Variants in ROBO1 observed in about 807,000 individuals in gnomAD.
The protein encoded by ROBO1 is roundabout homolog 1.
Under a neutral mutation model 195.9 loss-of-function variants are expected in ROBO1, and 149 were observed. The observed-to-expected ratio is 0.76, with a 90% CI of 0.67 to 0.87. The LOEUF (loss-of-function observed/expected upper bound fraction) is 0.87. Among genes scored for constraint, ROBO1 ranks in the 40% least tolerant of loss-of-function variants. The pLI is 0.00. For missense variants in ROBO1, 1,933 were observed against 2,068.3 expected, an observed-to-expected ratio of 0.93 and a Z score of 1.27; for synonymous variants, 816 against 733.2, an observed-to-expected ratio of 1.11 and a Z score of -1.82.
intron 2 of ROBO1, among the ~76,000 whole-genome samples, chr3:79,346,499 T>C (rs1009489874): frequency 5.3e-5 from 8 of 151,826 alleles, no homozygotes; most frequent in Admixed American, 1.3e-4. Flanking sequence ...ATTAACTCTT[T>C]AAGAAAAAAC....
At chr3:78,955,821 T>A (rs1213406958) in intron 3 of ROBO1, among the ~76,000 whole-genome samples, 2 of 152,166 alleles carry the variant, frequency 1.3e-5, no homozygotes, top group Admixed American at 1.3e-4. Context: ...TTTAAAGGAT[T>A]ACTGAGAAAT....
chr3:79,340,017 G>A (rs955421447), intron 2 of ROBO1, among the ~76,000 whole-genome samples: 4 of 152,080 alleles, frequency 2.6e-5, no homozygotes, highest in Non-Finnish European at 5.9e-5. Context: ...CGGCTTCTAG[G>A]TTCCCTGTAT....
At chr3:78,675,108 C>T (rs1302093533) in intron 10 of ROBO1, among the ~76,000 whole-genome samples, 2 of 151,844 alleles carry the variant, frequency 1.3e-5, no homozygotes, top group Non-Finnish European at 1.5e-5. Flanking sequence ...GCTCAATACT[C>T]ACTTAACCAA....
At chr3:79,714,530 C>T (rs1030134182) in intron 1 of ROBO1, among the ~76,000 whole-genome samples, 11 of 151,908 alleles carry the variant, frequency 7.2e-5, no homozygotes, top group Admixed American at 4.6e-4. Context: ...AATCATGCTG[C>T]TATAAAGACA....
At chr3:78,819,060 TG>T (rs2030535027) in intron 4 of ROBO1, among the ~76,000 whole-genome samples, 1 of 152,090 alleles carries the variant, frequency 6.6e-6, no homozygotes, top group Non-Finnish European at 1.5e-5. Context: ...TGGCGACCAT[TG>T]GGGGTCTTGG....
At chr3:78,707,356 G>T (rs140093232) in intron 8 of ROBO1, among the ~76,000 whole-genome samples, 9 of 152,218 alleles carry the variant, frequency 5.9e-5, no homozygotes, top group Middle Eastern at 3.4e-3. Flanking sequence ...GCTGTCACTG[G>T]CTCATCAGTC....
intron 4 of ROBO1, among the ~76,000 whole-genome samples, chr3:78,899,986 T>C (rs2037486905): frequency 6.6e-6 from 1 of 152,218 alleles, no homozygotes; most frequent in Non-Finnish European, 1.5e-5. Flanking sequence ...TCTGAAGCAC[T>C]GCAGTTGCTC....
chr3:79,144,242 AT>A (rs2080594108), intron 2 of ROBO1, among the ~76,000 whole-genome samples: 2 of 152,094 alleles, frequency 1.3e-5, no homozygotes, highest in Non-Finnish European at 2.9e-5. Flanking sequence ...AATATTTAGT[AT>A]TTAAAAGAAC....
intron 2 of ROBO1, among the ~76,000 whole-genome samples, chr3:79,230,978 C>T (rs527649143): frequency 6.6e-6 from 1 of 152,208 alleles, no homozygotes; most frequent in South Asian, 2.1e-4. Context: ...GAAAGTATTC[C>T]CTTTTCAATA....
intron 2 of ROBO1, among the ~76,000 whole-genome samples, chr3:79,575,929 C>T (rs1576054390): frequency 6.6e-6 from 1 of 151,828 alleles, no homozygotes; most frequent in Non-Finnish European, 1.5e-5. Flanking sequence ...ACAGTTGTAA[C>T]CTGGCTCTCT....
chr3:79,347,316 C>T (rs2035160709), intron 2 of ROBO1, among the ~76,000 whole-genome samples: 3 of 152,126 alleles, frequency 2.0e-5, no homozygotes, highest in Non-Finnish European at 4.4e-5. Context: ...CTCGTGAACA[C>T]TTGATATGCT....
At chr3:79,339,052 ATGT>A (rs2034799389) in intron 2 of ROBO1, among the ~76,000 whole-genome samples, 2 of 152,088 alleles carry the variant, frequency 1.3e-5, no homozygotes, top group Admixed American at 1.3e-4. Flanking sequence ...TCAACGGCAA[ATGT>A]TGTTGCCAAT....
chr3:78,981,392 C>T (rs562240303), intron 3 of ROBO1, among the ~76,000 whole-genome samples: 1 of 152,264 alleles, frequency 6.6e-6, no homozygotes, highest in East Asian at 1.9e-4. Flanking sequence ...ACATTCACTA[C>T]ACAAAACTCA....
At chr3:79,088,027 C>A (rs543940117) in intron 3 of ROBO1, among the ~76,000 whole-genome samples, 1 of 152,078 alleles carries the variant, frequency 6.6e-6, no homozygotes, top group African/African-American at 2.4e-5. Context: ...TTCTTTCTGT[C>A]GCCTTCTGTC....
chr3:78,992,899 C>T (rs970593545), intron 3 of ROBO1, among the ~76,000 whole-genome samples: 3 of 152,082 alleles, frequency 2.0e-5, no homozygotes, highest in Non-Finnish European at 2.9e-5. Context: ...CTTCTATTTA[C>T]CAGAAGCTGA....
At chr3:79,544,417 A>G (rs1426476317) in intron 2 of ROBO1, among the ~76,000 whole-genome samples, 2 of 152,010 alleles carry the variant, frequency 1.3e-5, no homozygotes, top group African/African-American at 4.8e-5. Flanking sequence ...TGAAATTTAG[A>G]TAACTTTTAA....
At chr3:79,573,309 C>T (rs1943343070) in intron 2 of ROBO1, among the ~76,000 whole-genome samples, 1 of 152,124 alleles carries the variant, frequency 6.6e-6, no homozygotes, top group Non-Finnish European at 1.5e-5. Flanking sequence ...TCTTCTGCCT[C>T]TCAAGTTCTG....
rs2078641044 is a variant in ROBO1, at chr3:79,048,709, T to C, written c.172+76747A>G. 2.6e-5 allele frequency among the ~76,000 whole-genome samples: 4 copies of C among 152,022 alleles called. No homozygotes were observed. In the South Asian group the frequency reaches 8.3e-4, roughly 31 times the overall value. ...ACACTATGATGATGATGATTTTTAC[T>C]TCACTAAGAAAATAGCAGCCTCCGC... On this transcript the variant is annotated intron_variant, in intron 3 of 30. Transcript: ENST00000464233.
At chr3:79,468,245 C>A (rs1339231243) in intron 2 of ROBO1, among the ~76,000 whole-genome samples, 1 of 152,208 alleles carries the variant, frequency 6.6e-6, no homozygotes, top group African/African-American at 2.4e-5. Context: ...ATGCTGAGTA[C>A]ATCCTTTGTT....
Sources: gnomAD v4.1 joint callset for allele counts (sites outside exome capture counted in the v4.1 genomes callset) on GRCh38, gnomAD v4.1.1 for gene constraint, MANE v1.5 for transcripts, NCBI Gene and HGNC (gene_info 2026-07-23, HGNC 2026-07-21) for gene names.